Variants in NEK6 observed in about 807,000 individuals in gnomAD.
NEK6 encodes NIMA related kinase 6, also known as serine/threonine-protein kinase Nek6.
Under a neutral mutation model 43.5 loss-of-function variants are expected in NEK6, and 27 were observed. That is an observed-to-expected ratio of 0.62 (90% CI 0.46 to 0.86). The LOEUF (loss-of-function observed/expected upper bound fraction) is 0.86. NEK6 is among the 40% of genes least tolerant of loss of function. The pLI, the probability that NEK6 is intolerant of heterozygous loss-of-function variation, is 0.00. For synonymous variants in NEK6, 167 were observed against 164.1 expected (o/e 1.02, Z -0.14); for missense variants, 318 against 414.4 (o/e 0.77, Z 2.02).
chr9:124,319,707 C>T (rs1833977228), intron 4 of NEK6, among the ~76,000 whole-genome samples: 1 of 152,100 alleles, frequency 6.6e-6, no homozygotes, highest in Non-Finnish European at 1.5e-5. Context: ...GTCCTTTCCC[C>T]ATTGCTTATT....
At chr9:124,327,524 CGT>C (rs1388317003) in intron 7 of NEK6, 79 bp downstream of exon 7, 9 of 1,122,064 alleles carry the variant, frequency 8.0e-6, no homozygotes, top group Non-Finnish European at 1.2e-5. Flanking sequence ...ATTCTCCCCA[CGT>C]GTGTTTGGTC....
intron 1 of NEK6, among the ~76,000 whole-genome samples, chr9:124,272,260 T>C (rs1417847296): frequency 6.6e-6 from 1 of 152,216 alleles, no homozygotes; most frequent in Non-Finnish European, 1.5e-5. Flanking sequence ...CCCTAAGGAA[T>C]TCATCCCTTC....
At chr9:124,292,353 C>G in intron 1 of NEK6, 2 of 1,490,876 alleles carry the variant, frequency 1.3e-6, no homozygotes, top group South Asian at 1.3e-5. Context: ...TTGAGTAATC[C>G]CTGGGCTTGG....
At chr9:124,332,628 A>C (rs1013259065) in intron 7 of NEK6, among the ~76,000 whole-genome samples, 1 of 152,218 alleles carries the variant, frequency 6.6e-6, no homozygotes, top group African/African-American at 2.4e-5. Flanking sequence ...GAAGAGGGGC[A>C]GCTTGCAGAC....
At chr9:124,317,862 T>C (rs1449084899) in intron 4 of NEK6, among the ~76,000 whole-genome samples, 1 of 152,244 alleles carries the variant, frequency 6.6e-6, no homozygotes, top group African/African-American at 2.4e-5. Flanking sequence ...TTTTATTCTT[T>C]GTTGTGGCTG....
chr9:124,317,970 C>T (rs929567207), intron 4 of NEK6, among the ~76,000 whole-genome samples: 2 of 152,158 alleles, frequency 1.3e-5, no homozygotes, highest in Non-Finnish European at 1.5e-5. Flanking sequence ...TTATGAATAG[C>T]GCCGTGATGG....
intron 1 of NEK6, among the ~76,000 whole-genome samples, chr9:124,281,226 C>T (rs758778932): frequency 3.3e-5 from 5 of 152,230 alleles, no homozygotes; most frequent in Non-Finnish European, 7.3e-5. Flanking sequence ...GAATTACCCT[C>T]ATGTTCACTG....
At chr9:124,265,643 C>T (rs537966280) in intron 1 of NEK6, 39 of 152,376 alleles carry the variant, frequency 2.6e-4, no homozygotes, top group African/African-American at 9.1e-4. Context: ...CAGCCTGCTG[C>T]TCTGTAGCCT....
chr9:124,303,943 T>C (rs1372467162), intron 2 of NEK6, among the ~76,000 whole-genome samples: 2 of 152,280 alleles, frequency 1.3e-5, no homozygotes, highest in Admixed American at 6.5e-5. Flanking sequence ...AATTATTTCA[T>C]GAGCAAGGTG....
chr9:124,330,322 C>T (rs1340780779), intron 7 of NEK6, among the ~76,000 whole-genome samples: 3 of 152,264 alleles, frequency 2.0e-5, no homozygotes, highest in Admixed American at 2.0e-4. Context: ...CGGCGTAATG[C>T]AGGAAAAATG....
intron 4 of NEK6, among the ~76,000 whole-genome samples, chr9:124,316,816 G>C (rs1446013490): frequency 6.6e-6 from 1 of 152,216 alleles, no homozygotes; most frequent in Non-Finnish European, 1.5e-5. Flanking sequence ...AGGGAAATGG[G>C]GGAGGAGTCT....
chr9:124,332,185 C>T (rs1351220025), intron 7 of NEK6, among the ~76,000 whole-genome samples: 1 of 152,274 alleles, frequency 6.6e-6, no homozygotes, highest in Non-Finnish European at 1.5e-5. Context: ...ATTCGTTCAT[C>T]CATTCGACAA....
At chr9:124,287,479 T>C (rs1013767611) in intron 1 of NEK6, among the ~76,000 whole-genome samples, 4 of 152,210 alleles carry the variant, frequency 2.6e-5, no homozygotes, top group Non-Finnish European at 5.9e-5. Context: ...CTTTCAAGGT[T>C]GTCATGCGGC....
intron 1 of NEK6, chr9:124,292,386 G>A: frequency 6.6e-7 from 1 of 1,521,114 alleles, no homozygotes; most frequent in Admixed American, 2.1e-5. Context: ...AGTTTCCAGG[G>A]AAGCAGAAAA....
At chr9:124,265,509 G>A (rs1297233832) in intron 1 of NEK6, 1 of 151,718 alleles carries the variant, frequency 6.6e-6, no homozygotes, top group Non-Finnish European at 1.5e-5. Flanking sequence ...GCAATAGAGT[G>A]AGACTCCGTC....
intron 7 of NEK6, among the ~76,000 whole-genome samples, chr9:124,338,809 C>T (rs980075728): frequency 6.6e-6 from 1 of 152,202 alleles, no homozygotes; most frequent in Admixed American, 6.5e-5. Context: ...CTGTTGGGAA[C>T]AGAAATGAGC....
At chr9:124,306,978 TATCAGGGAAAAAA>T (rs1373839881) in intron 2 of NEK6, among the ~76,000 whole-genome samples, 2 of 152,112 alleles carry the variant, frequency 1.3e-5, no homozygotes, top group Non-Finnish European at 2.9e-5. Flanking sequence ...GCATTGCAAA[TATCAGGGAAAAAA>T]GACCCATCCA....
Position 124,324,576 on chromosome 9 carries a change from A to C in NEK6, c.406-1754A>C, listed in dbSNP as rs1045800424. On this transcript the variant is annotated intron_variant, in intron 5 of 9. Coordinates refer to ENST00000320246, the MANE Select transcript of NEK6 (RefSeq NM_014397.6). The surrounding 1 kb of genome is among the most constrained non-coding windows in gnomAD (Gnocchi z 5.3). ...ACGCGCGTCCCTGCTTAAATGCTGT[A>C]ATGAGGATTCACTCACATCACAGCG... 1.3e-5 allele frequency among the ~76,000 whole-genome samples: 2 copies of C among 152,162 alleles called. No individual in the cohort carries two copies. The highest frequency in any genetic ancestry group is 2.9e-5 in the Non-Finnish European group (2 of 68,026).
intron 1 of NEK6, among the ~76,000 whole-genome samples, chr9:124,263,462 A>G (rs1459414673): frequency 1.3e-5 from 2 of 152,246 alleles, no homozygotes; most frequent in African/African-American, 4.8e-5. Flanking sequence ...TCTGGAAAAC[A>G]GGGATAATAT....
Sources: allele counts gnomAD v4.1 joint callset (sites outside exome capture counted in the v4.1 genomes callset), GRCh38; gene constraint gnomAD v4.1.1; non-coding constraint Gnocchi (gnomAD v3.1); transcripts MANE v1.5; gene names NCBI Gene and HGNC (gene_info 2026-07-23, HGNC 2026-07-21).